Variants in COBLL1 observed in about 807,000 individuals in gnomAD.
COBLL1 encodes cordon-bleu protein-like 1.
COBLL1 carries 50 observed loss-of-function variants against 94.8 expected under a neutral mutation model. The observed-to-expected ratio is 0.53, with a 90% confidence interval of 0.42 to 0.67. The LOEUF (loss-of-function observed/expected upper bound fraction) is 0.67. COBLL1 is among the 30% of genes least tolerant of loss of function. COBLL1 has a pLI of 0.00. For synonymous variants in COBLL1, 448 were observed against 473.8 expected (o/e 0.95, Z 0.71); for missense variants, 1,362 against 1,348.7 (o/e 1.01, Z -0.15).
chr2:164,708,365 G>A (rs1377489632), intron 7 of COBLL1, among the ~76,000 whole-genome samples: 1 of 152,080 alleles, frequency 6.6e-6, no homozygotes, highest in Non-Finnish European at 1.5e-5. Context: ...TAGGCATGGG[G>A]GTGGATTCTC....
chr2:164,779,217 G>A (rs1177465722), intron 2 of COBLL1, among the ~76,000 whole-genome samples: 1 of 151,996 alleles, frequency 6.6e-6, no homozygotes, highest in African/African-American at 2.4e-5. Context: ...TAGATTCTAG[G>A]TGGAAAAGTG....
chr2:164,698,100 T>C (rs1287800446), intron 11 of COBLL1: 1 of 152,058 alleles, frequency 6.6e-6, no homozygotes, highest in Non-Finnish European at 1.5e-5. Context: ...GTAAATGTAC[T>C]TGTGACTCTG....
At chr2:164,673,322 A>G (rs1429143860) in intron 1 of COBLL1, among the ~76,000 whole-genome samples, 1 of 152,212 alleles carries the variant, frequency 6.6e-6, no homozygotes, top group African/African-American at 2.4e-5. Flanking sequence ...AGTTAGAGGC[A>G]TAGTACTTTA....
At chr2:164,699,558 CACACACAG>C in intron 10 of COBLL1, 59 bp from the exon 11 acceptor site, 2 of 853,506 alleles carry the variant, frequency 2.3e-6, no homozygotes, top group Admixed American at 1.7e-5. Flanking sequence ...CACATACACA[CACACACAG>C]ACACACACAC....
intron 2 of COBLL1, among the ~76,000 whole-genome samples, chr2:164,819,804 GTT>G (rs144399441): frequency 6.7e-6 from 1 of 148,210 alleles, no homozygotes; most frequent in African/African-American, 2.5e-5. Flanking sequence ...TTTTGCCACT[GTT>G]TTTTTTTTGT....
chr2:164,841,213 G>A lies in COBLL1; in HGVS notation c.-17C>T. On this transcript the variant is annotated 5_prime_UTR_variant, in exon 2 of 14. Coordinates refer to ENST00000652658, the MANE Select transcript of COBLL1 (RefSeq NM_001365672.2). The surrounding 1 kb of genome is among the most constrained non-coding windows in gnomAD (Gnocchi z 5.5). ...GCCGTCCATCGCCCTGCGGGGCGCT[G>A]CGCGGGCTCCAGCTCCCAGGCGGCG... 1.6e-6 allele frequency: 2 copies of A among 1,231,664 alleles called. No individual in the cohort carries two copies. Among genetic ancestry groups the A allele is most frequent in the Non-Finnish European group, 2.0e-6 (2 of 988,686 alleles). The allele number at this position is 1,231,664 out of a possible 1,614,324, so 76.3% of individuals were successfully genotyped here.
chr2:164,760,946 GAT>G (rs1687652279), intron 2 of COBLL1, among the ~76,000 whole-genome samples: 1 of 152,058 alleles, frequency 6.6e-6, no homozygotes, highest in African/African-American at 2.4e-5. Context: ...TAAAGGCAAA[GAT>G]ATTGGAAAAA....
chr2:164,841,147 T>C lies in COBLL1; in HGVS notation c.41+9A>G. The C allele has an allele frequency of 8.1e-7, 1 of 1,229,592 alleles. No homozygotes were observed. Among genetic ancestry groups the C allele is most frequent in the Non-Finnish European group, 1.0e-6 (1 of 986,592 alleles). 76.2% of individuals were successfully genotyped at this position (1,229,592 alleles called of 1,614,324 possible). A position where few individuals can be genotyped will look rare whatever the true frequency, so the allele number is the denominator to read the frequency against. On this transcript the variant is annotated intron_variant, in intron 2 of 13. Transcript: ENST00000652658. The surrounding 1 kb of genome is among the most constrained non-coding windows in gnomAD (Gnocchi z 5.5). Reference sequence around the variant, plus strand: ...CCCGGTGAGAGGCGGCGCGGCGCTCTGGGCTTACCTGGCTGGGGCGTCCTG... The same window carrying C: ...CCCGGTGAGAGGCGGCGCGGCGCTCCGGGCTTACCTGGCTGGGGCGTCCTG...
At chr2:164,665,214 C>T (rs1389076124) in intron 2 of COBLL1, among the ~76,000 whole-genome samples, 1 of 151,794 alleles carries the variant, frequency 6.6e-6, no homozygotes, top group African/African-American at 2.4e-5. Flanking sequence ...GCCTGTAATT[C>T]CAGCTACTCA....
At chr2:164,675,893 T>C (rs572473790), downstream of COBLL1, among the ~76,000 whole-genome samples, 1 of 152,292 alleles carries the variant, frequency 6.6e-6, no homozygotes, top group African/African-American at 2.4e-5. Flanking sequence ...AGTACTGCTG[T>C]GGTTATATGG....
At position 164,694,489 on chromosome 2, in the gene COBLL1, A is replaced by T; in HGVS notation, c.2903T>A (p.Leu968Gln). 1 of 1,614,016 alleles carries T rather than the reference A, an allele frequency of 6.2e-7. No individual in the cohort carries two copies. Among genetic ancestry groups the T allele is most frequent in the Non-Finnish European group, 8.5e-7 (1 of 1,179,932 alleles). Residue 968 changes from leucine (L) to glutamine (Q), a missense_variant, in exon 12 of 14, where the codon CTG becomes CAG. Transcript: ENST00000652658. ...IPASQVSTQN[L>Q]KTLKTFGAPR... ...GGCACCAAAAGTTTTCAAAGTCTTC[A>T]GATTTTGTGTGGATACCTGACTAGC...
At chr2:164,750,098 C>G (rs1041726002) in intron 2 of COBLL1, among the ~76,000 whole-genome samples, 17 of 152,212 alleles carry the variant, frequency 1.1e-4, no homozygotes, top group Admixed American at 2.6e-4. Context: ...TTCATAAAAG[C>G]CCATGGCTTC....
rs1683636485 is a variant in COBLL1, at chr2:164,841,763, CCTA to C, written c.-107_-105del. The C allele has an allele frequency of 1.8e-6, 1 of 554,386 alleles. No homozygotes were observed. Among genetic ancestry groups the C allele is most frequent in the Non-Finnish European group, 3.1e-6 (1 of 317,720 alleles). The allele number at this position is 554,386 out of a possible 1,614,324, so 34.3% of individuals were successfully genotyped here. On this transcript the variant is annotated 5_prime_UTR_variant, in exon 1 of 14. Coordinates refer to ENST00000652658, the MANE Select transcript of COBLL1 (RefSeq NM_001365672.2). This position sits in a 1 kb window ranked among gnomAD's most constrained non-coding sequence, Gnocchi z 5.5. ...CCTGTTCTCCCTCGCGGCTTCCTCT[CCTA>C]CTCTTCCCTTCCCCGGCCCGCGCTC...
intron 2 of COBLL1, among the ~76,000 whole-genome samples, chr2:164,806,139 AAAGG>A (rs1684143224): frequency 6.6e-6 from 1 of 152,132 alleles, no homozygotes; most frequent in South Asian, 2.1e-4. Context: ...ACAAAAAATA[AAAGG>A]AAGAAAAAGG....
At position 164,808,657 on chromosome 2, in the gene COBLL1, T is replaced by C. The variant is rs530705618; in HGVS notation, c.41+32499A>G. 2.6e-5 allele frequency among the ~76,000 whole-genome samples: 4 copies of C among 152,330 alleles called. No homozygotes were observed. The South Asian group carries it at 8.3e-4, about 32-fold the overall frequency. ...AGTCTGACATTATTTCCTTACTTCT[T>C]TGTTTTAAAGTTCAGTTTTCCAAGG... is the stretch of plus-strand genomic sequence containing the variant. On this transcript the variant is annotated intron_variant, in intron 2 of 13. Coordinates refer to ENST00000652658, the MANE Select transcript of COBLL1 (RefSeq NM_001365672.2).
intron 2 of COBLL1, among the ~76,000 whole-genome samples, chr2:164,832,438 C>T (rs759368242): frequency 5.3e-5 from 8 of 152,130 alleles, no homozygotes; most frequent in Non-Finnish European, 1.2e-4. Flanking sequence ...ATTCTGATGC[C>T]TTAGCATTCG....
At chr2:164,673,910 G>T (rs897582794) in intron 1 of COBLL1, among the ~76,000 whole-genome samples, 24 of 152,156 alleles carry the variant, frequency 1.6e-4, no homozygotes, top group Admixed American at 3.9e-4. Context: ...ATTACATCAA[G>T]AATGAAGCTG....
chr2:164,743,511 A>G lies in COBLL1; in HGVS notation c.230+176T>C, dbSNP rs1686701527. 2.9e-5 allele frequency: 17 copies of G among 580,294 alleles called. No homozygotes were observed. The South Asian group carries it at 3.9e-4, about 13-fold the overall frequency. 35.9% of individuals were successfully genotyped at this position (580,294 alleles called of 1,614,324 possible). ...GTGGAATTCATAGCACTGATATTAAAACATTGATAGAAAATTTTTAACACC... is the reference window on the plus strand; with the variant it reads ...GTGGAATTCATAGCACTGATATTAAGACATTGATAGAAAATTTTTAACACC... On this transcript the variant is annotated intron_variant, in intron 3 of 13. Transcript: ENST00000652658.
chr2:164,722,168 T>C lies in COBLL1; in HGVS notation c.903A>G (p.Pro301=). The C allele has an allele frequency of 6.2e-7, 1 of 1,614,106 alleles. No homozygotes were observed. The highest frequency in any genetic ancestry group is 1.7e-4 in the Middle Eastern group (1 of 6,060). Residue 301 remains proline (P), a synonymous_variant, in exon 7 of 14, where the codon CCA becomes CCG. Transcript: ENST00000652658. ...KKRRAPLPPM[P]ASQSVPQDLA... ...GGTCTTGGGGGACACTCTGAGATGC[T>C]GGCATCGGGGGCAGTGGAGCCCGCC...
Sources: allele counts gnomAD v4.1 joint callset (sites outside exome capture counted in the v4.1 genomes callset), GRCh38; gene constraint gnomAD v4.1.1; non-coding constraint Gnocchi (gnomAD v3.1); transcripts MANE v1.5; gene names NCBI Gene and HGNC (gene_info 2026-07-23, HGNC 2026-07-21).